The following GALNT13 variants were observed in gnomAD, a reference collection of about 807,000 sequenced individuals.
GALNT13 encodes UDP-GalNAc:polypeptide N-acetylgalactosaminyltransferase 13.
GALNT13 carries 28 observed loss-of-function variants against 64.2 expected under a neutral mutation model. The observed-to-expected ratio is 0.44, with a 90% CI of 0.32 to 0.60. The LOEUF (loss-of-function observed/expected upper bound fraction) is 0.60, where lower values mean the gene tolerates loss of function less well. Ranked by LOEUF, GALNT13 falls within the 20% of genes least tolerant of loss-of-function variation. GALNT13 has a pLI of 0.05. For synonymous variants in GALNT13, 214 were observed against 224.6 expected (o/e 0.95, Z 0.42); for missense variants, 577 against 669.8 (o/e 0.86, Z 1.53).
chr2:153,720,539 A>G, the GALNT13 span, among the ~76,000 whole-genome samples: 22 of 149,884 alleles, frequency 1.5e-4, no homozygotes, highest in Non-Finnish European at 3.3e-4. Context: ...TTCAAACCAA[A>G]GGCAAAGAAG....
the GALNT13 span, among the ~76,000 whole-genome samples, chr2:153,819,581 C>T: frequency 2.0e-5 from 3 of 152,174 alleles, no homozygotes; most frequent in South Asian, 6.2e-4. Context: ...GTCCCCTCAT[C>T]CACATGGAAC....
At chr2:154,022,075 C>T (rs1378621141) in intron 3 of GALNT13, among the ~76,000 whole-genome samples, 1 of 152,092 alleles carries the variant, frequency 6.6e-6, no homozygotes, top group Non-Finnish European at 1.5e-5. Context: ...GGTGAATAAG[C>T]TTTTTGATGT....
the GALNT13 span, among the ~76,000 whole-genome samples, chr2:153,205,782 GA>G: frequency 6.6e-6 from 1 of 151,990 alleles, no homozygotes; most frequent in Non-Finnish European, 1.5e-5. Flanking sequence ...TCTATCAACA[GA>G]AATTATTTAA....
chr2:154,237,113 A>C (rs952410641), intron 4 of GALNT13, among the ~76,000 whole-genome samples: 5 of 151,946 alleles, frequency 3.3e-5, no homozygotes, highest in African/African-American at 4.8e-5. Context: ...TACTGAAAGA[A>C]CTATGCAGCT....
the GALNT13 span, among the ~76,000 whole-genome samples, chr2:153,657,029 A>G: frequency 1.3e-5 from 2 of 152,090 alleles, no homozygotes; most frequent in African/African-American, 4.8e-5. Flanking sequence ...GGAAATGGGG[A>G]AAAATGGAAA....
chr2:154,033,149 G>A (rs1307686213), intron 3 of GALNT13, among the ~76,000 whole-genome samples: 2 of 151,742 alleles, frequency 1.3e-5, no homozygotes, highest in East Asian at 3.9e-4. Flanking sequence ...AATGAACATA[G>A]ACCCATGATT....
At chr2:154,321,912 A>G (rs552478179) in intron 9 of GALNT13, among the ~76,000 whole-genome samples, 9 of 152,174 alleles carry the variant, frequency 5.9e-5, no homozygotes, top group Non-Finnish European at 8.8e-5. Context: ...CTTTAAGGTG[A>G]TGTTTCTTAA....
At chr2:153,906,955 G>T (rs557127758) in intron 2 of GALNT13, among the ~76,000 whole-genome samples, 13 of 150,486 alleles carry the variant, frequency 8.6e-5, no homozygotes, top group Non-Finnish European at 1.0e-4. Context: ...GTGTGAGATG[G>T]TATCTCATTG....
chr2:153,944,361 A>G (rs4318348), intron 2 of GALNT13, 33 bp from the exon 3 acceptor site: 150,586 of 680,462 alleles, frequency 0.22, 19,221 homozygotes, highest in Non-Finnish European at 0.27. Context: ...TATGTGTACA[A>G]TTAATGAAAT....
chr2:154,436,144 G>C (rs1275912767), intron 11 of GALNT13: 1 of 152,060 alleles, frequency 6.6e-6, no homozygotes, highest in East Asian at 1.9e-4. Context: ...TTTTAACATT[G>C]CTTGTGAGCC....
intron 3 of GALNT13, among the ~76,000 whole-genome samples, chr2:153,973,809 A>C (rs1322259701): frequency 6.6e-6 from 1 of 152,008 alleles, no homozygotes; most frequent in South Asian, 2.1e-4. Context: ...GGTTATTCAC[A>C]TGCGCACCTA....
intron 9 of GALNT13, among the ~76,000 whole-genome samples, chr2:154,316,920 A>G (rs962543166): frequency 1.3e-5 from 2 of 152,192 alleles, no homozygotes; most frequent in African/African-American, 4.8e-5. Context: ...TTTGACTTGA[A>G]AATACAGGTG....
chr2:153,996,019 A>G (rs1193300431), intron 3 of GALNT13, among the ~76,000 whole-genome samples: 1 of 152,194 alleles, frequency 6.6e-6, no homozygotes, highest in Non-Finnish European at 1.5e-5. Flanking sequence ...TTCTGGTTTT[A>G]ATAGCCGAAT....
chr2:153,550,985 T>C, the GALNT13 span, among the ~76,000 whole-genome samples: 1 of 152,028 alleles, frequency 6.6e-6, no homozygotes, highest in Non-Finnish European at 1.5e-5. Flanking sequence ...AAGCTGAGGG[T>C]GGCTAGAGAG....
chr2:154,322,144 C>CTTTTTTTTTTTTT (rs70983718), intron 9 of GALNT13, among the ~76,000 whole-genome samples: 2 of 16,610 alleles, frequency 1.2e-4, no homozygotes, highest in African/African-American at 5.3e-4. Context: ...AAAATATGTA[C>CTTTTTTTTTTTTT]TTTTTTTTTT....
At chr2:153,655,379 T>C in the GALNT13 span, among the ~76,000 whole-genome samples, 1 of 152,144 alleles carries the variant, frequency 6.6e-6, no homozygotes, top group African/African-American at 2.4e-5. Flanking sequence ...GTACAAATTA[T>C]GGTCTTAAAT....
the GALNT13 span, among the ~76,000 whole-genome samples, chr2:153,641,180 C>A: frequency 6.6e-6 from 1 of 152,046 alleles, no homozygotes; most frequent in Admixed American, 6.6e-5. Flanking sequence ...CTCCTTAATT[C>A]TATGAGTTAT....
chr2:153,593,654 G>GT, the GALNT13 span, among the ~76,000 whole-genome samples: 1 of 152,126 alleles, frequency 6.6e-6, no homozygotes, highest in Non-Finnish European at 1.5e-5. Flanking sequence ...AGGAAAGATG[G>GT]TATCAGGGTG....
At chr2:153,787,692 T>A in the GALNT13 span, among the ~76,000 whole-genome samples, 1 of 151,978 alleles carries the variant, frequency 6.6e-6, no homozygotes, top group African/African-American at 2.4e-5. Context: ...AAACTAAGAA[T>A]CACAATAAAA....
Sources: gnomAD v4.1 joint callset for allele counts (sites outside exome capture counted in the v4.1 genomes callset) on GRCh38, gnomAD v4.1.1 for gene constraint, MANE v1.5 for transcripts, NCBI Gene and HGNC (gene_info 2026-07-23, HGNC 2026-07-21) for gene names.